MAGI2: variants seen among roughly 807,000 people sequenced by gnomAD.
MAGI2 encodes membrane associated guanylate kinase, WW and PDZ domain containing 2.
MAGI2 carries 35 observed loss-of-function variants against 133.3 expected under a neutral mutation model. The observed-to-expected ratio is 0.26, with a 90% CI of 0.20 to 0.35. MAGI2 has a LOEUF of 0.35. Ranked by LOEUF, MAGI2 falls within the 10% of genes least tolerant of loss-of-function variation. The pLI, the probability that MAGI2 is intolerant of heterozygous loss-of-function variation, is 1.00. For synonymous variants in MAGI2, 729 were observed against 710.6 expected, an observed-to-expected ratio of 1.03 and a Z score of -0.41; for missense variants, 1,636 against 1,863.4, an observed-to-expected ratio of 0.88 and a Z score of 2.25.
intron 19 of MAGI2, among the ~76,000 whole-genome samples, chr7:78,126,524 G>A (rs560807408): frequency 1.3e-5 from 2 of 152,312 alleles, no homozygotes; most frequent in East Asian, 3.9e-4. Context: ...CCAAACTCTG[G>A]TCTAGACTCT....
intron 21 of MAGI2, among the ~76,000 whole-genome samples, chr7:78,069,965 T>A (rs1437897525): frequency 6.6e-6 from 1 of 151,856 alleles, no homozygotes; most frequent in Non-Finnish European, 1.5e-5. Context: ...CTCTTCTTGA[T>A]GAAGTTTGGG....
At chr7:78,761,534 C>T (rs1473966489) in intron 2 of MAGI2, among the ~76,000 whole-genome samples, 1 of 145,928 alleles carries the variant, frequency 6.9e-6, no homozygotes, top group Non-Finnish European at 1.5e-5. Context: ...GGTGTGATTT[C>T]AGCTCACTGC....
At chr7:78,073,117 C>T (rs1814888852) in intron 21 of MAGI2, 1 of 395,618 alleles carries the variant, frequency 2.5e-6, no homozygotes. Flanking sequence ...CTGTTTGATC[C>T]ATTCATTTCT....
At chr7:78,220,867 T>C (rs1163725063) in intron 10 of MAGI2, among the ~76,000 whole-genome samples, 2 of 152,230 alleles carry the variant, frequency 1.3e-5, no homozygotes, top group Non-Finnish European at 2.9e-5. Context: ...ACAAACTTTA[T>C]TGAGCTTTGA....
chr7:79,125,367 G>A, intron 1 of MAGI2: 1 of 479,998 alleles, frequency 2.1e-6, no homozygotes, highest in Non-Finnish European at 4.1e-6. Flanking sequence ...GTTTCAGTGG[G>A]AATGACAACT....
intron 2 of MAGI2, among the ~76,000 whole-genome samples, chr7:78,779,599 C>A (rs1053592031): frequency 6.6e-6 from 1 of 152,176 alleles, no homozygotes; most frequent in Non-Finnish European, 1.5e-5. Flanking sequence ...AGGAGACTTA[C>A]CCTGGATAAC....
At chr7:78,239,844 A>G (rs911619840) in intron 10 of MAGI2, among the ~76,000 whole-genome samples, 1 of 152,234 alleles carries the variant, frequency 6.6e-6, no homozygotes, top group Non-Finnish European at 1.5e-5. Flanking sequence ...GGAAAACAGC[A>G]TGGAGGTTTC....
At chr7:78,074,340 A>C (rs1815048839) in intron 21 of MAGI2, among the ~76,000 whole-genome samples, 1 of 152,164 alleles carries the variant, frequency 6.6e-6, no homozygotes, top group Non-Finnish European at 1.5e-5. Context: ...TCACCTTGAG[A>C]ACTCAGAGTG....
intron 1 of MAGI2, among the ~76,000 whole-genome samples, chr7:79,184,595 T>A (rs926589100): frequency 6.6e-6 from 1 of 151,742 alleles, no homozygotes; most frequent in Non-Finnish European, 1.5e-5. Flanking sequence ...AATGTAGATA[T>A]TTCTAACATG....
intron 1 of MAGI2, among the ~76,000 whole-genome samples, chr7:79,395,115 A>G (rs1323513973): frequency 1.3e-5 from 2 of 152,228 alleles, no homozygotes; most frequent in African/African-American, 4.8e-5. Flanking sequence ...GCTTCTTTTA[A>G]TGGGTTATAA....
chr7:78,529,665 ATGGTTTTTT>A (rs1797272376), intron 3 of MAGI2, among the ~76,000 whole-genome samples: 1 of 64,714 alleles, frequency 1.5e-5, no homozygotes, highest in African/African-American at 5.8e-5. Flanking sequence ...GCTAAAGGAG[ATGGTTTTTT>A]TTTTTTTTTT....
chr7:78,663,844 T>G (rs1463403457), intron 2 of MAGI2, among the ~76,000 whole-genome samples: 1 of 152,238 alleles, frequency 6.6e-6, no homozygotes, highest in East Asian at 1.9e-4. Flanking sequence ...CTAGGTGTCA[T>G]GACTAATCTC....
At chr7:78,804,748 C>CAAAAAAAAAAAAAAAAAAAAAAAAAA (rs373472835) in intron 2 of MAGI2, among the ~76,000 whole-genome samples, 4 of 97,734 alleles carry the variant, frequency 4.1e-5, no homozygotes, top group African/African-American at 9.4e-5. Flanking sequence ...GACTCTGTCT[C>CAAAAAAAAAAAAAAAAAAAAAAAAAA]AAAAAAAAAA....
chr7:79,270,966 T>A (rs181548124), intron 1 of MAGI2, among the ~76,000 whole-genome samples: 207 of 152,210 alleles, frequency 1.4e-3, no homozygotes, highest in Non-Finnish European at 2.2e-3. Context: ...ATCTTGGTAT[T>A]TTTTTCTTCA....
chr7:78,373,069 C>T (rs1044188772), intron 6 of MAGI2, among the ~76,000 whole-genome samples: 4 of 152,112 alleles, frequency 2.6e-5, no homozygotes, highest in African/African-American at 9.7e-5. Flanking sequence ...GGAATCCTCT[C>T]CCCTCAGCCT....
rs546847920 is a variant in MAGI2, at chr7:78,114,168, A to G, written c.3567+11526T>C. ...CCTTACAAGGGAGGAAAACAAATGG[A>G]CAAGAAAGTCACTATGACAGGTAAG... On this transcript the variant is annotated intron_variant, in intron 20 of 21. Transcript: ENST00000354212. 8.5e-5 allele frequency among the ~76,000 whole-genome samples: 13 copies of G among 152,320 alleles called. 1 individual carries two copies. The highest frequency in any genetic ancestry group is 3.1e-4 in the African/African-American group (13 of 41,578).
At chr7:78,990,905 TAC>T (rs140828645) in intron 2 of MAGI2, among the ~76,000 whole-genome samples, 3,763 of 141,428 alleles carry the variant, frequency 0.027, 58 homozygotes, top group African/African-American at 0.043. Flanking sequence ...TATATGTACA[TAC>T]ACACACACAC....
At chr7:78,849,034 T>C (rs1041627825) in intron 2 of MAGI2, among the ~76,000 whole-genome samples, 9 of 152,096 alleles carry the variant, frequency 5.9e-5, no homozygotes, top group African/African-American at 1.9e-4. Context: ...CAAATGGTTA[T>C]AAAACATTGC....
At chr7:78,917,287 C>A (rs983998389) in intron 2 of MAGI2, among the ~76,000 whole-genome samples, 9 of 151,940 alleles carry the variant, frequency 5.9e-5, no homozygotes, top group African/African-American at 2.2e-4. Context: ...TGAATTCAGT[C>A]CTGCAGAAGT....
Sources: allele counts gnomAD v4.1 joint callset (sites outside exome capture counted in the v4.1 genomes callset), GRCh38; gene constraint gnomAD v4.1.1; transcripts MANE v1.5; gene names NCBI Gene and HGNC (gene_info 2026-07-23, HGNC 2026-07-21).